The following RELN variants were observed in gnomAD, a reference collection of about 807,000 sequenced individuals.
RELN encodes reelin.
A neutral mutation model predicts 427.6 loss-of-function variants in RELN; 108 were observed. The ratio of observed to expected loss-of-function variants is 0.25; its 90% CI spans 0.22 to 0.30. The LOEUF is 0.30. Ranked by LOEUF, RELN falls within the 10% of genes least tolerant of loss-of-function variation. The pLI is 1.00. For missense variants in RELN, 3,715 were observed against 4,302.8 expected, an observed-to-expected ratio of 0.86 and a Z score of 3.82; for synonymous variants, 1,524 against 1,513.4, an observed-to-expected ratio of 1.01 and a Z score of -0.16.
chr7:103,905,105 T>C (rs4107711), intron 2 of RELN, among the ~76,000 whole-genome samples: 32,534 of 150,764 alleles, frequency 0.22, 3,780 homozygotes, highest in South Asian at 0.38. Context: ...CTCAGCCTCC[T>C]GAGTTATTGG....
At chr7:103,663,124 G>T (rs942363213) in intron 11 of RELN, among the ~76,000 whole-genome samples, 2 of 152,050 alleles carry the variant, frequency 1.3e-5, no homozygotes, top group Non-Finnish European at 2.9e-5. Context: ...ACACCTTTCT[G>T]TACAGTCTTT....
chr7:103,874,393 A>G (rs1171005239), intron 2 of RELN, among the ~76,000 whole-genome samples: 2 of 142,398 alleles, frequency 1.4e-5, no homozygotes, highest in African/African-American at 5.0e-5. Flanking sequence ...ACGGTATTCA[A>G]TTAGGAAAAG....
Position 103,545,262 on chromosome 7 carries a change from C to T in RELN, c.6385G>A (p.Gly2129Ser), listed in dbSNP as rs1228682428. 3.1e-6 allele frequency: 5 copies of T among 1,613,914 alleles called. No homozygotes were observed. Among genetic ancestry groups the T allele is most frequent in the South Asian group, 1.1e-5 (1 of 91,076 alleles). The stretch of plus-strand genomic sequence containing the variant: ...TTACACATCTCCTCACACTGGGGAC[C>T]GATGTAGACATTATCAATGGCCCAT... ...VTWAIDNVYI[G>S]PQCEEMCNGQ... is the part of the protein sequence containing the mutation. The change falls in exon 42 of 65, where the codon GGT (glycine) becomes AGT (serine). Residue 2129 changes from glycine (G) to serine (S), a missense_variant. By Grantham distance (56) the Gly-to-Ser change is moderately conservative. Around this residue, in one of 4 missense-constraint regions of RELN, gnomAD observed 1,310 missense variants for 1,643.0 expected, o/e 0.80. Transcript: ENST00000428762.
chr7:103,483,519 T>C, intron 62 of RELN, 134 bp downstream of exon 62: 1 of 914,146 alleles, frequency 1.1e-6, no homozygotes, highest in East Asian at 2.4e-5. Flanking sequence ...TGGGTTAGTC[T>C]TCGTTCTGCC....
At chr7:103,537,275 A>G (rs1188137360) in intron 45 of RELN, among the ~76,000 whole-genome samples, 1 of 152,086 alleles carries the variant, frequency 6.6e-6, no homozygotes, top group Non-Finnish European at 1.5e-5. Flanking sequence ...TTCATGCCAC[A>G]TAGTGCAACT....
At chr7:103,969,498 CA>C (rs58767375) in intron 1 of RELN, among the ~76,000 whole-genome samples, 2,218 of 152,196 alleles carry the variant, frequency 0.015, 59 homozygotes, top group African/African-American at 0.051. Context: ...TTTAAAAGAT[CA>C]CTGTGTAAAA....
chr7:103,482,808 G>T (rs1286324485), intron 63 of RELN, 65 bp downstream of exon 63: 1 of 1,612,606 alleles, frequency 6.2e-7, no homozygotes. Context: ...TAAGGGTCAT[G>T]CTATATCAAA....
At chr7:103,650,192 T>C in intron 16 of RELN, 82 bp downstream of exon 16, 1 of 858,770 alleles carries the variant, frequency 1.2e-6, no homozygotes, top group Non-Finnish European at 2.0e-6. Flanking sequence ...CTTAGAAATG[T>C]GATTAAGTCT....
chr7:103,594,830 A>G (rs1831501639), intron 25 of RELN, among the ~76,000 whole-genome samples: 1 of 152,222 alleles, frequency 6.6e-6, no homozygotes, highest in Non-Finnish European at 1.5e-5. Flanking sequence ...TAATACTATT[A>G]CATGAAGATA....
intron 1 of RELN, among the ~76,000 whole-genome samples, chr7:103,922,969 C>CA (rs1374293051): frequency 6.6e-6 from 1 of 150,830 alleles, no homozygotes; most frequent in Non-Finnish European, 1.5e-5. Context: ...TAGCAAATTG[C>CA]AAAAAAATTG....
intron 24 of RELN, among the ~76,000 whole-genome samples, chr7:103,602,515 G>A (rs1270884069): frequency 2.0e-5 from 3 of 152,166 alleles, no homozygotes; most frequent in Admixed American, 1.3e-4. Flanking sequence ...AAAAGGATGA[G>A]TTCATGTCCT....
At chr7:103,837,458 T>C (rs1483360022) in intron 2 of RELN, among the ~76,000 whole-genome samples, 1 of 152,234 alleles carries the variant, frequency 6.6e-6, no homozygotes, top group Non-Finnish European at 1.5e-5. Context: ...TCTAAGCACA[T>C]GCTCTGCTTT....
intron 40 of RELN, 99 bp from the exon 41 acceptor site, chr7:103,551,395 A>G: frequency 1.2e-6 from 1 of 831,336 alleles, no homozygotes; most frequent in Non-Finnish European, 2.0e-6. Flanking sequence ...TTTCCTGGGA[A>G]CTGTCTTGCT....
intron 24 of RELN, among the ~76,000 whole-genome samples, chr7:103,601,881 T>C (rs542659711): frequency 1.3e-5 from 2 of 152,300 alleles, no homozygotes; most frequent in East Asian, 3.9e-4. Flanking sequence ...TCTAGCAATC[T>C]GCATGCCTAA....
At chr7:103,911,024 G>A (rs1008586553) in intron 2 of RELN, among the ~76,000 whole-genome samples, 1 of 140,734 alleles carries the variant, frequency 7.1e-6, no homozygotes, top group Non-Finnish European at 1.5e-5. Context: ...AAACTAAAGA[G>A]CTTCTGCACA....
intron 2 of RELN, among the ~76,000 whole-genome samples, chr7:103,846,795 A>G (rs1793688808): frequency 1.3e-5 from 2 of 151,752 alleles, no homozygotes; most frequent in African/African-American, 4.8e-5. Context: ...CTCAAAATTC[A>G]TGTGGTCAAC....
chr7:103,959,827 A>C (rs1237105714), intron 1 of RELN, among the ~76,000 whole-genome samples: 1 of 151,816 alleles, frequency 6.6e-6, no homozygotes, highest in African/African-American at 2.4e-5. Flanking sequence ...TCCCAACTCC[A>C]AGGCTCAAGC....
intron 1 of RELN, among the ~76,000 whole-genome samples, chr7:103,940,373 T>C (rs1372030992): frequency 6.6e-6 from 1 of 152,250 alleles, no homozygotes; most frequent in East Asian, 1.9e-4. Flanking sequence ...AATAATTGAA[T>C]ACATACAACA....
intron 3 of RELN, among the ~76,000 whole-genome samples, chr7:103,790,711 C>T (rs552761034): frequency 2.4e-4 from 37 of 152,070 alleles, no homozygotes; most frequent in Admixed American, 7.9e-4. Context: ...TGCCTGTAAT[C>T]CCAGGAATTT....
Sources: allele counts gnomAD v4.1 joint callset (sites outside exome capture counted in the v4.1 genomes callset), GRCh38; gene constraint gnomAD v4.1.1; regional missense constraint gnomAD v4.1.1; transcripts MANE v1.5; gene names NCBI Gene and HGNC (gene_info 2026-07-23, HGNC 2026-07-21).